ENTREP2: variants seen among roughly 807,000 people sequenced by gnomAD.
ENTREP2 encodes protein ENTREP2.
chr15:29,256,629 C>T, the ENTREP2 span, among the ~76,000 whole-genome samples: 4 of 152,246 alleles, frequency 2.6e-5, no homozygotes, highest in East Asian at 7.7e-4. Flanking sequence ...CACATGGTTC[C>T]TTTATATGTG....
the ENTREP2 span, among the ~76,000 whole-genome samples, chr15:29,464,438 A>G: frequency 6.6e-6 from 1 of 152,168 alleles, no homozygotes; most frequent in African/African-American, 2.4e-5. Context: ...ATTTTAAAAC[A>G]TGATGGAGAG....
the ENTREP2 span, among the ~76,000 whole-genome samples, chr15:29,420,203 T>G: frequency 1.3e-5 from 2 of 152,072 alleles, no homozygotes; most frequent in East Asian, 1.9e-4. Flanking sequence ...CTTGAGGGAT[T>G]TGGGGGCTAA....
At chr15:29,143,819 G>C in the ENTREP2 span, among the ~76,000 whole-genome samples, 1,125 of 152,294 alleles carry the variant, frequency 7.4e-3, 19 homozygotes, top group African/African-American at 0.026. Flanking sequence ...TCAGAACAAA[G>C]AGGCCGACAT....
At chr15:29,473,586 G>C in the ENTREP2 span, among the ~76,000 whole-genome samples, 2 of 152,170 alleles carry the variant, frequency 1.3e-5, no homozygotes, top group African/African-American at 4.8e-5. Context: ...GGCCACCTGT[G>C]GTCTTGGTTT....
the ENTREP2 span, among the ~76,000 whole-genome samples, chr15:29,458,529 C>G: frequency 6.6e-6 from 1 of 152,096 alleles, no homozygotes; most frequent in African/African-American, 2.4e-5. Context: ...CTTCTCAAAG[C>G]CTCCCTGCCC....
At chr15:29,269,302 T>A in the ENTREP2 span, 1 of 1,614,214 alleles carries the variant, frequency 6.2e-7, no homozygotes, top group Non-Finnish European at 8.5e-7. Flanking sequence ...GAAGACGTAC[T>A]GGAGGCGCTC....
At chr15:29,207,041 G>A in the ENTREP2 span, among the ~76,000 whole-genome samples, 3 of 152,244 alleles carry the variant, frequency 2.0e-5, no homozygotes, top group East Asian at 5.8e-4. Context: ...TTTCCCGCGA[G>A]TGGCTCAAAG....
At chr15:29,668,184 G>A in the ENTREP2 span, among the ~76,000 whole-genome samples, 2 of 152,154 alleles carry the variant, frequency 1.3e-5, no homozygotes, top group African/African-American at 2.4e-5. Context: ...AACAGAAGAG[G>A]GAGCAGTTGA....
At chr15:29,656,984 G>A in the ENTREP2 span, among the ~76,000 whole-genome samples, 3 of 152,146 alleles carry the variant, frequency 2.0e-5, no homozygotes, top group Admixed American at 6.5e-5. Flanking sequence ...TGCAGTTGCT[G>A]CCGGCCAGGG....
At chr15:29,424,935 C>T in the ENTREP2 span, among the ~76,000 whole-genome samples, 1 of 152,198 alleles carries the variant, frequency 6.6e-6, no homozygotes, top group Non-Finnish European at 1.5e-5. Context: ...ACAGTACATT[C>T]TATTTCCATC....
At chr15:29,501,982 T>C in the ENTREP2 span, among the ~76,000 whole-genome samples, 3 of 151,874 alleles carry the variant, frequency 2.0e-5, no homozygotes, top group African/African-American at 4.8e-5. Context: ...GCAAGACATA[T>C]ACACTGAAAA....
At chr15:29,426,739 T>C in the ENTREP2 span, among the ~76,000 whole-genome samples, 17 of 152,330 alleles carry the variant, frequency 1.1e-4, no homozygotes, top group African/African-American at 4.1e-4. Context: ...CAGAGTTGTT[T>C]TGAAGTTTTA....
the ENTREP2 span, among the ~76,000 whole-genome samples, chr15:29,433,062 C>T: frequency 8.5e-5 from 13 of 152,228 alleles, no homozygotes; most frequent in African/African-American, 3.1e-4. Context: ...CCAGCACAAA[C>T]AGGTCTCAAT....
the ENTREP2 span, among the ~76,000 whole-genome samples, chr15:29,522,609 C>T: frequency 6.6e-6 from 1 of 152,146 alleles, no homozygotes; most frequent in East Asian, 1.9e-4. Flanking sequence ...GTGCTATTCC[C>T]TTCCCACCTA....
At chr15:29,560,110 A>G in the ENTREP2 span, among the ~76,000 whole-genome samples, 1 of 152,200 alleles carries the variant, frequency 6.6e-6, no homozygotes, top group African/African-American at 2.4e-5. Context: ...TAATCTGGGT[A>G]AGAGAGACAC....
chr15:29,363,761 A>G, the ENTREP2 span, among the ~76,000 whole-genome samples: 1 of 152,248 alleles, frequency 6.6e-6, no homozygotes, highest in Non-Finnish European at 1.5e-5. Context: ...TAAGTTTCCA[A>G]TAAAATTGGG....
At chr15:29,120,213 C>T in the ENTREP2 span, 2 of 152,260 alleles carry the variant, frequency 1.3e-5, no homozygotes, top group African/African-American at 4.8e-5. Flanking sequence ...CACAGCCTCT[C>T]AGCCTGCCTC....
chr15:29,195,638 C>T, the ENTREP2 span, among the ~76,000 whole-genome samples: 1 of 152,176 alleles, frequency 6.6e-6, no homozygotes, highest in Admixed American at 6.5e-5. Flanking sequence ...GATTCTCCTG[C>T]CTCAGCCTCC....
At chr15:29,514,069 C>T in the ENTREP2 span, among the ~76,000 whole-genome samples, 3 of 152,150 alleles carry the variant, frequency 2.0e-5, no homozygotes, top group East Asian at 1.9e-4. Flanking sequence ...GCTTCTGTTT[C>T]GGTTTTTATG....
Sources: allele counts gnomAD v4.1 joint callset (sites outside exome capture counted in the v4.1 genomes callset), GRCh38; gene constraint gnomAD v4.1.1; transcripts MANE v1.5; gene names NCBI Gene and HGNC (gene_info 2026-07-23, HGNC 2026-07-21).